DNAAF11: variants seen among roughly 807,000 people sequenced by gnomAD.
The protein encoded by DNAAF11 is leucine rich repeat containing 6.
Under a neutral mutation model 60.8 loss-of-function variants are expected in DNAAF11, and 45 were observed. The observed-to-expected ratio is 0.74, with a 90% CI of 0.58 to 0.95. The LOEUF (loss-of-function observed/expected upper bound fraction) is 0.95. DNAAF11 is among the 40% of genes least tolerant of loss of function. The pLI is 0.00. For synonymous variants in DNAAF11, 191 were observed against 183.5 expected, an observed-to-expected ratio of 1.04 and a Z score of -0.33; for missense variants, 546 against 546.2, an observed-to-expected ratio of 1.00 and a Z score of 0.00.
At chr8:132,698,777 A>G in the DNAAF11 span, among the ~76,000 whole-genome samples, 2 of 151,944 alleles carry the variant, frequency 1.3e-5, no homozygotes, top group Admixed American at 1.3e-4. Context: ...ACACACCACA[A>G]ATGAATAAGA....
At chr8:132,646,998 T>C (rs1373621071) in intron 3 of DNAAF11, among the ~76,000 whole-genome samples, 1 of 151,626 alleles carries the variant, frequency 6.6e-6, no homozygotes, top group South Asian at 2.1e-4. Flanking sequence ...GTGGACCTAA[T>C]AGACATCTAC....
intron 7 of DNAAF11, among the ~76,000 whole-genome samples, chr8:132,617,600 T>A (rs558637614): frequency 1.2e-4 from 18 of 152,360 alleles, no homozygotes; most frequent in African/African-American, 3.6e-4. Context: ...TTTTCCTAAT[T>A]GAATACCCTT....
intron 10 of DNAAF11, 36 bp from the exon 11 acceptor site, chr8:132,583,815 T>G (rs779303429): frequency 7.3e-7 from 1 of 1,371,980 alleles, no homozygotes; most frequent in South Asian, 1.2e-5. Flanking sequence ...AAGTGGTGCA[T>G]TACTCCTTGA....
At chr8:132,599,768 C>T (rs1038390914) in intron 10 of DNAAF11, among the ~76,000 whole-genome samples, 6 of 152,108 alleles carry the variant, frequency 3.9e-5, no homozygotes, top group African/African-American at 1.2e-4. Flanking sequence ...ATTGATGGGA[C>T]GTATCTCAAA....
intron 11 of DNAAF11, among the ~76,000 whole-genome samples, chr8:132,576,317 C>T (rs1295475101): frequency 1.3e-5 from 2 of 152,146 alleles, no homozygotes; most frequent in African/African-American, 2.4e-5. Flanking sequence ...TTACTGAGTA[C>T]CTACTATGCA....
chr8:132,572,318 A>G lies in DNAAF11; in HGVS notation c.1389T>C (p.Pro463=), dbSNP rs1814278025. 1 of 1,612,128 alleles carries G rather than the reference A, an allele frequency of 6.2e-7. No homozygotes were observed. The highest frequency in any genetic ancestry group is 1.3e-5 in the African/African-American group (1 of 74,696). Residue 463 remains proline, a synonymous_variant, in exon 12 of 12, where the codon CCT becomes CCC. Transcript: ENST00000620350. ...GCAGCCAGATGTTTCAAATCAGCGG[A>G]GGCACTTCAGGGTTGTCTTCAAAGG... is the stretch of plus-strand genomic sequence containing the variant. ...DPTFEDNPEV[P]PLI is the part of the protein sequence containing the mutation.
chr8:132,667,946 A>G (rs1250524548), intron 1 of DNAAF11, among the ~76,000 whole-genome samples: 4 of 152,188 alleles, frequency 2.6e-5, no homozygotes, highest in Non-Finnish European at 5.9e-5. Flanking sequence ...CAAAGCCAAT[A>G]ATTTAGTGTT....
At chr8:132,695,739 G>A in the DNAAF11 span, among the ~76,000 whole-genome samples, 2 of 76,518 alleles carry the variant, frequency 2.6e-5, no homozygotes, top group Admixed American at 1.1e-4. Context: ...GAAAGGCCCG[G>A]ATGTGTGTTT....
chr8:132,572,517 T>G, intron 11 of DNAAF11, 37 bp from the exon 12 acceptor site: 1 of 1,471,552 alleles, frequency 6.8e-7, no homozygotes, highest in Non-Finnish European at 9.2e-7. Flanking sequence ...AAACTGATAC[T>G]ACATCATTTA....
At chr8:132,670,695 T>C (rs1825103331) in intron 1 of DNAAF11, among the ~76,000 whole-genome samples, 2 of 152,124 alleles carry the variant, frequency 1.3e-5, no homozygotes, top group South Asian at 2.1e-4. Context: ...TGAACACATA[T>C]GTAAAAATCC....
rs768257025 is a variant in DNAAF11 at position 132,661,491 on chromosome 8, G to C, written c.147C>G (p.Leu49=). ...TCCCAATAAGATTATTTTGAAGATA[G>C]AGAATTTTTAAATCCCGGCACCATT... The part of the protein sequence containing the change: ...IDKWCRDLKI[L]YLQNNLIGKI... Residue 49 remains leucine, a synonymous_variant, in exon 2 of 12, where the codon CTC becomes CTG. Transcript: ENST00000620350. 36 of 1,613,194 alleles carry C rather than the reference G, an allele frequency of 2.2e-5. No homozygotes were observed. Among genetic ancestry groups the C allele is most frequent in the Non-Finnish European group, 2.9e-5 (34 of 1,179,546 alleles).
At chr8:132,606,326 AT>A (rs1303895010) in intron 10 of DNAAF11, among the ~76,000 whole-genome samples, 5 of 152,188 alleles carry the variant, frequency 3.3e-5, no homozygotes, top group African/African-American at 4.8e-5. Flanking sequence ...TTTAAAAAAA[AT>A]AATGTTGTCC....
intron 1 of DNAAF11, among the ~76,000 whole-genome samples, chr8:132,668,237 G>T (rs896445769): frequency 2.0e-5 from 3 of 152,132 alleles, no homozygotes; most frequent in African/African-American, 7.2e-5. Flanking sequence ...GCTGACCCAG[G>T]CTCATCATAA....
At chr8:132,674,429 A>G (rs1038928127) in intron 1 of DNAAF11, among the ~76,000 whole-genome samples, 1 of 152,156 alleles carries the variant, frequency 6.6e-6, no homozygotes, top group Non-Finnish European at 1.5e-5. Context: ...CTCTTGATTT[A>G]AAAAAAGTTA....
chr8:132,570,842 G>C lies in DNAAF11; in HGVS notation c.*1464C>G, dbSNP rs1814115856. ...GGACCAGAAGGGTAGCAGATAAATA[G>C]AGGCAACAATTTCAGCAGCATGATA... On this transcript the variant is annotated 3_prime_UTR_variant, in exon 12 of 12. Transcript: ENST00000620350. Among the ~76,000 whole-genome samples, 2 of 152,188 alleles carry C rather than the reference G, an allele frequency of 1.3e-5. No individual in the cohort carries two copies. The highest frequency in any genetic ancestry group is 4.1e-4 in the South Asian group (2 of 4,822).
At chr8:132,626,770 T>TA in intron 5 of DNAAF11, among the ~76,000 whole-genome samples, 1 of 152,330 alleles carries the variant, frequency 6.6e-6, no homozygotes, top group South Asian at 2.1e-4. Context: ...AAGCCTTTAA[T>TA]ACAACTACAG....
At position 132,571,421 on chromosome 8, in the gene DNAAF11, G is replaced by A. The variant is rs535154930; in HGVS notation, c.*885C>T. On this transcript the variant is annotated 3_prime_UTR_variant, in exon 12 of 12. Coordinates refer to ENST00000620350, the MANE Select transcript of DNAAF11 (RefSeq NM_012472.6). ...GTATGTGAAATATTGAATTCATAATGTTCTAGATAAAGAAGAGGTAGGATA... is the reference window on the plus strand; with the variant it reads ...GTATGTGAAATATTGAATTCATAATATTCTAGATAAAGAAGAGGTAGGATA... 6.6e-6 allele frequency among the ~76,000 whole-genome samples: 1 copy of A among 152,210 alleles called. No homozygotes were observed. The highest frequency in any genetic ancestry group is 1.9e-4 in the East Asian group (1 of 5,180).
chr8:132,642,472 G>A (rs1005854041), intron 3 of DNAAF11, among the ~76,000 whole-genome samples: 3 of 152,218 alleles, frequency 2.0e-5, no homozygotes, highest in Admixed American at 2.0e-4. Flanking sequence ...TGTGGAACCA[G>A]TGAAGCTCTG....
chr8:132,613,895 T>TA (rs1818899994), intron 8 of DNAAF11, among the ~76,000 whole-genome samples: 1 of 152,246 alleles, frequency 6.6e-6, no homozygotes, highest in Non-Finnish European at 1.5e-5. Flanking sequence ...AGGCATTTAT[T>TA]ATAATTCATG....
Sources: allele counts gnomAD v4.1 joint callset (sites outside exome capture counted in the v4.1 genomes callset), GRCh38; gene constraint gnomAD v4.1.1; transcripts MANE v1.5; gene names NCBI Gene and HGNC (gene_info 2026-07-23, HGNC 2026-07-21).